Variants in GPATCH2 observed in about 807,000 individuals in gnomAD.
GPATCH2 encodes G-patch domain containing 2.
In GPATCH2, 51 loss-of-function variants were observed where a neutral mutation model predicts 58.0. That is an observed-to-expected ratio of 0.88 (90% CI 0.70 to 1.11). The LOEUF (loss-of-function observed/expected upper bound fraction) is 1.11. Among genes scored for constraint, GPATCH2 ranks in the 50% most tolerant of loss-of-function variants. GPATCH2 has a pLI of 0.00. For synonymous variants in GPATCH2, 222 were observed against 218.5 expected (o/e 1.02, Z -0.14); for missense variants, 625 against 652.2 (o/e 0.96, Z 0.45).
intron 6 of GPATCH2, 57 bp downstream of exon 6, chr1:217,514,765 C>T: frequency 3.9e-6 from 3 of 765,628 alleles, no homozygotes; most frequent in South Asian, 1.7e-5. Flanking sequence ...TAATAATTTC[C>T]CAAAAGAGCT....
chr1:217,589,610 G>C (rs1220590397), intron 5 of GPATCH2, among the ~76,000 whole-genome samples: 1 of 151,662 alleles, frequency 6.6e-6, no homozygotes, highest in Non-Finnish European at 1.5e-5. Context: ...CCTAAATCTA[G>C]GTTTTAAAAA....
intron 5 of GPATCH2, among the ~76,000 whole-genome samples, chr1:217,590,554 C>A (rs917987368): frequency 6.6e-6 from 1 of 152,170 alleles, no homozygotes; most frequent in African/African-American, 2.4e-5. Context: ...AGATGATATA[C>A]ACAAGGGAGG....
In GPATCH2 at chr1:217,630,957, G is replaced by T. The variant is rs748853630; in HGVS notation, c.15C>A (p.Ala5=). Reference sequence around the variant, plus strand: ...CTGGAGCTCCGATCGGTTGGCGCCCGGCGGCCCCGAACATTAACGACACCC... The same window carrying T: ...CTGGAGCTCCGATCGGTTGGCGCCCTGCGGCCCCGAACATTAACGACACCC... MFGA[A]GRQPIGAPAA... is the part of the protein sequence containing the mutation. Residue 5 remains alanine, a synonymous_variant, in exon 1 of 10, where the codon GCC becomes GCA. Coordinates refer to ENST00000366935, the MANE Select transcript of GPATCH2 (RefSeq NM_018040.5). 1 of 1,588,264 alleles carries T rather than the reference G, an allele frequency of 6.3e-7. No homozygotes were observed. Among genetic ancestry groups the T allele is most frequent in the Admixed American group, 1.7e-5 (1 of 58,790 alleles).
intron 6 of GPATCH2, among the ~76,000 whole-genome samples, chr1:217,502,730 C>T (rs1196790178): frequency 6.6e-6 from 1 of 152,132 alleles, no homozygotes; most frequent in Non-Finnish European, 1.5e-5. Context: ...AGTTTACCCA[C>T]AGGATGATCA....
At chr1:217,497,003 G>C (rs942372833) in intron 7 of GPATCH2, among the ~76,000 whole-genome samples, 12 of 151,980 alleles carry the variant, frequency 7.9e-5, no homozygotes, top group Non-Finnish European at 1.5e-5. Context: ...TTCCCTATAA[G>C]GTATTAGCTA....
intron 5 of GPATCH2, among the ~76,000 whole-genome samples, chr1:217,525,411 C>T (rs960424756): frequency 6.6e-6 from 1 of 152,128 alleles, no homozygotes; most frequent in African/African-American, 2.4e-5. Flanking sequence ...TCTCTCTGGA[C>T]ATTTGAGTCA....
At chr1:217,581,231 T>G (rs1372084650) in intron 5 of GPATCH2, among the ~76,000 whole-genome samples, 1 of 152,226 alleles carries the variant, frequency 6.6e-6, no homozygotes, top group Non-Finnish European at 1.5e-5. Context: ...TCATTGGTCC[T>G]CAGGTTAATA....
chr1:217,559,793 TG>T (rs565980975), intron 5 of GPATCH2, among the ~76,000 whole-genome samples: 17 of 151,258 alleles, frequency 1.1e-4, no homozygotes, highest in African/African-American at 3.9e-4. Context: ...AGCCCAAAAA[TG>T]CTTGAGAGAG....
intron 5 of GPATCH2, among the ~76,000 whole-genome samples, chr1:217,606,511 A>T (rs560401911): frequency 1.6e-4 from 25 of 152,182 alleles, no homozygotes; most frequent in South Asian, 1.5e-3. Flanking sequence ...TAATCCCAAC[A>T]CTCTGAGAGG....
In GPATCH2 at chr1:217,428,257, C is replaced by T. The variant is rs1658399964; in HGVS notation, c.*2888G>A. ...CAGTCTCTAAAATTTTTAGTACAACCAATTAATTTGCTATAAGGCTACAGA... is the reference window on the plus strand; with the variant it reads ...CAGTCTCTAAAATTTTTAGTACAACTAATTAATTTGCTATAAGGCTACAGA... On this transcript the variant is annotated 3_prime_UTR_variant, in exon 10 of 10. Transcript: ENST00000366935. 6.6e-6 allele frequency: 1 copy of T among 152,064 alleles called. No homozygotes were observed. The highest frequency in any genetic ancestry group is 1.5e-5 in the Non-Finnish European group (1 of 68,006). The allele number at this position is 152,064 out of a possible 1,614,324, so 9.4% of individuals were successfully genotyped here. A position where few individuals can be genotyped will look rare whatever the true frequency, so the allele number is the denominator to read the frequency against.
intron 5 of GPATCH2, among the ~76,000 whole-genome samples, chr1:217,557,788 T>G (rs1217301793): frequency 6.6e-6 from 1 of 152,198 alleles, no homozygotes; most frequent in African/African-American, 2.4e-5. Flanking sequence ...TATTTTTCTA[T>G]CCCTGCACCG....
intron 8 of GPATCH2, among the ~76,000 whole-genome samples, chr1:217,462,135 T>C (rs1036797170): frequency 2.6e-5 from 4 of 152,192 alleles, no homozygotes; most frequent in African/African-American, 9.6e-5. Context: ...TATAATTTTG[T>C]TAAATTGGGT....
chr1:217,538,115 TA>T (rs1349585904), intron 5 of GPATCH2, among the ~76,000 whole-genome samples: 1 of 152,160 alleles, frequency 6.6e-6, no homozygotes, highest in Non-Finnish European at 1.5e-5. Flanking sequence ...TACATCCATT[TA>T]AAAAAATAAA....
At chr1:217,438,291 A>T (rs1337226508) in intron 9 of GPATCH2, among the ~76,000 whole-genome samples, 4 of 152,210 alleles carry the variant, frequency 2.6e-5, no homozygotes, top group Non-Finnish European at 5.9e-5. Flanking sequence ...CAGCACAAAA[A>T]GGCAGAAAAT....
In GPATCH2 at chr1:217,463,641, C is replaced by CAAAAAA. The variant is rs201402598; in HGVS notation, c.1278-14310_1278-14305dup. Among the ~76,000 whole-genome samples the CAAAAAA allele has an allele frequency of 2.8e-3, 227 of 82,428 alleles. 14 individuals are homozygous for CAAAAAA. Among genetic ancestry groups the CAAAAAA allele is most frequent in the Non-Finnish European group, 3.9e-3 (176 of 45,006 alleles). The allele number at this position is 82,428 out of a possible 152,430, so 54.1% of individuals were successfully genotyped here. ...GCAACATAGCAAGAACTTATCACTC[C>CAAAAAA]AAAAAAAAAAAAAAAAAAAAAAAAA... On this transcript the variant is annotated intron_variant, in intron 8 of 9. Transcript: ENST00000366935.
chr1:217,590,794 TC>T (rs1454315252), intron 5 of GPATCH2, among the ~76,000 whole-genome samples: 2 of 152,168 alleles, frequency 1.3e-5, no homozygotes, highest in African/African-American at 2.4e-5. Context: ...AGTTACAAAG[TC>T]CTATCACTTA....
At chr1:217,492,886 A>G (rs1244894220) in intron 7 of GPATCH2, among the ~76,000 whole-genome samples, 5 of 152,184 alleles carry the variant, frequency 3.3e-5, no homozygotes, top group African/African-American at 1.2e-4. Context: ...TTATCTGACC[A>G]GTATCAATAA....
chr1:217,585,592 C>G (rs957921130), intron 5 of GPATCH2, among the ~76,000 whole-genome samples: 1 of 152,122 alleles, frequency 6.6e-6, no homozygotes, highest in African/African-American at 2.4e-5. Context: ...TGCACTCCAG[C>G]CTGGTGACAG....
chr1:217,514,017 G>T (rs375418183), intron 6 of GPATCH2, among the ~76,000 whole-genome samples: 207 of 151,944 alleles, frequency 1.4e-3, no homozygotes, highest in African/African-American at 4.6e-3. Flanking sequence ...TAGAGACCGG[G>T]TTTCACGATA....
Sources: gnomAD v4.1 joint callset for allele counts (sites outside exome capture counted in the v4.1 genomes callset) on GRCh38, gnomAD v4.1.1 for gene constraint, MANE v1.5 for transcripts, NCBI Gene and HGNC (gene_info 2026-07-23, HGNC 2026-07-21) for gene names.